The following MAP3K5 variants were observed in gnomAD, a reference collection of about 807,000 sequenced individuals.
The protein encoded by MAP3K5 is ASK-1.
In MAP3K5, 56 loss-of-function variants were observed where a neutral mutation model predicts 158.7. The observed-to-expected ratio is 0.35, with a 90% CI of 0.28 to 0.44. MAP3K5 has a LOEUF of 0.44. MAP3K5 is among the 20% of genes least tolerant of loss of function. The pLI is 1.00. For missense variants in MAP3K5, 1,294 were observed against 1,674.8 expected (o/e 0.77, Z 3.97); for synonymous variants, 579 against 601.7 (o/e 0.96, Z 0.55).
chr6:136,611,008 T>G (rs1776312384), intron 18 of MAP3K5, among the ~76,000 whole-genome samples: 3 of 145,108 alleles, frequency 2.1e-5, no homozygotes, highest in Admixed American at 7.2e-5. Context: ...CTCAGGAGGC[T>G]GAGGTGGGAG....
chr6:136,614,597 C>G (rs1776484287), intron 15 of MAP3K5, among the ~76,000 whole-genome samples: 1 of 152,116 alleles, frequency 6.6e-6, no homozygotes, highest in Non-Finnish European at 1.5e-5. Context: ...TGCTCAAGAT[C>G]CCAAAGCTAT....
intron 1 of MAP3K5, among the ~76,000 whole-genome samples, chr6:136,725,764 T>G (rs1781940877): frequency 6.6e-6 from 1 of 152,234 alleles, no homozygotes; most frequent in Non-Finnish European, 1.5e-5. Flanking sequence ...AAAAAAATCT[T>G]TGCGTAACCC....
intron 17 of MAP3K5, among the ~76,000 whole-genome samples, chr6:136,612,108 C>T (rs115605649): frequency 0.018 from 2,666 of 152,250 alleles, 80 homozygotes; most frequent in African/African-American, 0.061. Flanking sequence ...CCCAACCACC[C>T]AGACCCTAGC....
intron 24 of MAP3K5, among the ~76,000 whole-genome samples, chr6:136,581,403 T>C (rs1329670893): frequency 6.6e-6 from 1 of 152,222 alleles, no homozygotes; most frequent in African/African-American, 2.4e-5. Context: ...CACTTAGATT[T>C]TGGGTTAACT....
intron 21 of MAP3K5, among the ~76,000 whole-genome samples, chr6:136,592,979 T>C (rs574722427): frequency 5.9e-5 from 9 of 152,314 alleles, no homozygotes; most frequent in Admixed American, 2.6e-4. Flanking sequence ...CAGGGTCAGA[T>C]TGATAATCTT....
At chr6:136,639,503 G>A in intron 13 of MAP3K5, 40 bp downstream of exon 13, 1 of 1,135,534 alleles carries the variant, frequency 8.8e-7, no homozygotes, top group East Asian at 2.4e-5. Context: ...TAATGATCAG[G>A]TAAGAAGAAT....
At chr6:136,747,646 A>C (rs866409788) in intron 1 of MAP3K5, among the ~76,000 whole-genome samples, 15 of 152,328 alleles carry the variant, frequency 9.8e-5, no homozygotes, top group Middle Eastern at 3.4e-3. Context: ...TGAGGCAAAA[A>C]TTGTGAGTTC....
chr6:136,790,993 G>A (rs556276305), intron 1 of MAP3K5, among the ~76,000 whole-genome samples: 4 of 152,308 alleles, frequency 2.6e-5, no homozygotes, highest in East Asian at 1.9e-4. Flanking sequence ...GCATACAGGT[G>A]TTTTAGACAA....
At chr6:136,788,856 ACTAAGAGCTGAACTACCGTTCGAC>A (rs1254647543) in intron 1 of MAP3K5, among the ~76,000 whole-genome samples, 3 of 152,250 alleles carry the variant, frequency 2.0e-5, no homozygotes, top group Admixed American at 6.5e-5. Flanking sequence ...TTCTCAAAGA[ACTAAGAGCTGAACTACCGTTCGAC>A]CCAGCAATCC....
At chr6:136,620,933 C>A (rs1007115571) in intron 15 of MAP3K5, among the ~76,000 whole-genome samples, 1 of 152,348 alleles carries the variant, frequency 6.6e-6, no homozygotes, top group East Asian at 1.9e-4. Context: ...GTTTCCTGAA[C>A]ATTTTTGTTC....
At chr6:136,766,547 G>A (rs138495774) in intron 1 of MAP3K5, among the ~76,000 whole-genome samples, 3 of 152,312 alleles carry the variant, frequency 2.0e-5, no homozygotes, top group African/African-American at 7.2e-5. Flanking sequence ...TGAGTACAAG[G>A]ACATCTGGCT....
chr6:136,728,772 G>A (rs372411712), intron 1 of MAP3K5, among the ~76,000 whole-genome samples: 1 of 152,094 alleles, frequency 6.6e-6, no homozygotes, highest in African/African-American at 2.4e-5. Flanking sequence ...TGGTGACATT[G>A]TATTACACTC....
chr6:136,638,381 G>T (rs2114269314), intron 13 of MAP3K5, among the ~76,000 whole-genome samples: 1 of 152,286 alleles, frequency 6.6e-6, no homozygotes, highest in South Asian at 2.1e-4. Flanking sequence ...CCATTCTGAA[G>T]TCTCCTGTGC....
intron 1 of MAP3K5, among the ~76,000 whole-genome samples, chr6:136,742,172 G>C (rs1207624541): frequency 6.6e-6 from 1 of 152,140 alleles, no homozygotes; most frequent in African/African-American, 2.4e-5. Context: ...AGAGGGAAAA[G>C]ACCAGAAGAG....
At chr6:136,680,752 T>C (rs1779898031) in intron 7 of MAP3K5, among the ~76,000 whole-genome samples, 1 of 152,214 alleles carries the variant, frequency 6.6e-6, no homozygotes, top group African/African-American at 2.4e-5. Context: ...TTGATTACTC[T>C]TAAGGGTGAA....
At chr6:136,679,268 A>C (rs1034183104) in intron 7 of MAP3K5, among the ~76,000 whole-genome samples, 19 of 152,354 alleles carry the variant, frequency 1.2e-4, no homozygotes, top group African/African-American at 4.6e-4. Flanking sequence ...AACAGAAATC[A>C]AAAATAAAGG....
chr6:136,703,795 A>G, intron 3 of MAP3K5, among the ~76,000 whole-genome samples: 1 of 152,252 alleles, frequency 6.6e-6, no homozygotes, highest in East Asian at 1.9e-4. Context: ...TATAATCACT[A>G]CTATAAAAAA....
chr6:136,575,633 T>C (rs189828299), intron 25 of MAP3K5, among the ~76,000 whole-genome samples: 1 of 152,326 alleles, frequency 6.6e-6, no homozygotes, highest in Admixed American at 6.5e-5. Context: ...CTTCACCCTT[T>C]TGAGGAGTAT....
chr6:136,592,251 C>T lies in MAP3K5; in HGVS notation c.3147G>A (p.Glu1049=), dbSNP rs1583234787. The T allele has an allele frequency of 2.5e-6, 4 of 1,612,582 alleles. No homozygotes were observed. The highest frequency in any genetic ancestry group is 3.4e-6 in the Non-Finnish European group (4 of 1,179,380). ...GGATCCTGTGAAGGGTAGCTCGCCTCTCACTGTCCTTCCTCAGCATGAAGA... is the reference window on the plus strand; with the variant it reads ...GGATCCTGTGAAGGGTAGCTCGCCTTTCACTGTCCTTCCTCAGCATGAAGA... ...SGFFMLRKDS[E]RRATLHRILT... Residue 1049 remains glutamate (E), a synonymous_variant, in exon 23 of 30, where the codon GAG becomes GAA. Coordinates refer to ENST00000359015, the MANE Select transcript of MAP3K5 (RefSeq NM_005923.4).
Sources: allele counts gnomAD v4.1 joint callset (sites outside exome capture counted in the v4.1 genomes callset), GRCh38; gene constraint gnomAD v4.1.1; transcripts MANE v1.5; gene names NCBI Gene and HGNC (gene_info 2026-07-23, HGNC 2026-07-21).